REDIC1: variants seen among roughly 807,000 people sequenced by gnomAD.
REDIC1 encodes the protein regulator of DNA class I crossover intermediates 1.
the REDIC1 span, among the ~76,000 whole-genome samples, chr12:39,722,812 G>A: frequency 6.6e-6 from 1 of 152,102 alleles, no homozygotes; most frequent in Non-Finnish European, 1.5e-5. Flanking sequence ...CCCCAAAAGC[G>A]GTATTGCCTT....
the REDIC1 span, among the ~76,000 whole-genome samples, chr12:39,894,944 G>T: frequency 1.3e-5 from 2 of 152,306 alleles, no homozygotes; most frequent in Admixed American, 1.3e-4. Context: ...AGGAAAACTG[G>T]CTAGGAGAAC....
chr12:39,884,517 C>T, the REDIC1 span, among the ~76,000 whole-genome samples: 3,045 of 152,244 alleles, frequency 0.02, 37 homozygotes, highest in Non-Finnish European at 0.032. Flanking sequence ...ATAAGTACAT[C>T]ATGGCCAAAT....
the REDIC1 span, among the ~76,000 whole-genome samples, chr12:39,873,190 C>A: frequency 6.6e-6 from 1 of 152,094 alleles, no homozygotes; most frequent in South Asian, 2.1e-4. Flanking sequence ...AACTATGTAG[C>A]ATGAAGGATG....
At chr12:39,680,884 A>G in the REDIC1 span, among the ~76,000 whole-genome samples, 1 of 152,202 alleles carries the variant, frequency 6.6e-6, no homozygotes, top group Admixed American at 6.5e-5. Context: ...GGAAACTATT[A>G]TTCTAACTGA....
the REDIC1 span, among the ~76,000 whole-genome samples, chr12:39,717,922 G>A: frequency 6.6e-6 from 1 of 151,190 alleles, no homozygotes; most frequent in Non-Finnish European, 1.5e-5. Context: ...GTATATATTA[G>A]CTCTTTAATT....
chr12:39,645,392 A>G, the REDIC1 span, among the ~76,000 whole-genome samples: 1 of 152,028 alleles, frequency 6.6e-6, no homozygotes, highest in East Asian at 1.9e-4. Flanking sequence ...TTACTCCTTT[A>G]ACAGGAAGAG....
the REDIC1 span, among the ~76,000 whole-genome samples, chr12:39,668,159 T>C: frequency 6.6e-6 from 1 of 152,158 alleles, no homozygotes; most frequent in Non-Finnish European, 1.5e-5. Context: ...TTCTTCCTAG[T>C]CTCGATGGTC....
the REDIC1 span, among the ~76,000 whole-genome samples, chr12:39,714,424 C>A: frequency 1.3e-5 from 2 of 150,706 alleles, no homozygotes; most frequent in African/African-American, 4.9e-5. Flanking sequence ...TAGATATATA[C>A]ACACACATAT....
the REDIC1 span, among the ~76,000 whole-genome samples, chr12:39,649,379 C>G: frequency 6.6e-6 from 1 of 151,754 alleles, no homozygotes; most frequent in Non-Finnish European, 1.5e-5. Flanking sequence ...GTTTCCTGAT[C>G]CTTAGTTAAG....
chr12:39,670,564 A>G, the REDIC1 span, among the ~76,000 whole-genome samples: 1 of 152,096 alleles, frequency 6.6e-6, no homozygotes, highest in East Asian at 1.9e-4. Flanking sequence ...TTCTTTTGGG[A>G]TCCTTTAGTT....
At chr12:39,830,250 C>T in the REDIC1 span, 538 of 1,607,256 alleles carry the variant, frequency 3.3e-4, 2 homozygotes, top group Middle Eastern at 2.5e-3. Flanking sequence ...AAAGAGTTAC[C>T]GTCATGTTGG....
the REDIC1 span, among the ~76,000 whole-genome samples, chr12:39,893,079 C>A: frequency 6.6e-6 from 1 of 152,060 alleles, no homozygotes; most frequent in Admixed American, 6.6e-5. Flanking sequence ...TTAGTATTTG[C>A]ATATTTCCTA....
the REDIC1 span, chr12:39,626,205 C>T: frequency 1.1e-6 from 1 of 920,574 alleles, no homozygotes; most frequent in Non-Finnish European, 1.7e-6. Context: ...AGGCGGTGGA[C>T]CAGAAGGAGC....
At chr12:39,768,004 TG>T in the REDIC1 span, among the ~76,000 whole-genome samples, 2 of 152,106 alleles carry the variant, frequency 1.3e-5, no homozygotes, top group Non-Finnish European at 2.9e-5. Context: ...TATAGCAGTG[TG>T]AGACCAGACT....
the REDIC1 span, among the ~76,000 whole-genome samples, chr12:39,712,960 T>C: frequency 4.7e-5 from 1 of 21,156 alleles, no homozygotes; most frequent in African/African-American, 1.7e-4. Context: ...CATATATGCA[T>C]ATACGTGTAT....
the REDIC1 span, among the ~76,000 whole-genome samples, chr12:39,902,983 A>G: frequency 6.6e-6 from 1 of 152,120 alleles, no homozygotes; most frequent in African/African-American, 2.4e-5. Context: ...ATAAAAAGCT[A>G]ATCTCCTTTC....
chr12:39,654,821 T>C, the REDIC1 span, among the ~76,000 whole-genome samples: 3 of 152,222 alleles, frequency 2.0e-5, no homozygotes, highest in African/African-American at 4.8e-5. Context: ...GTATTATTTC[T>C]TTTCTAAGTT....
At chr12:39,775,378 G>A in the REDIC1 span, among the ~76,000 whole-genome samples, 10 of 152,354 alleles carry the variant, frequency 6.6e-5, no homozygotes, top group South Asian at 2.1e-4. Context: ...TCCAGGACAT[G>A]AGGATGTGGA....
At chr12:39,706,189 A>T in the REDIC1 span, among the ~76,000 whole-genome samples, 11 of 152,064 alleles carry the variant, frequency 7.2e-5, no homozygotes, top group South Asian at 2.1e-4. Context: ...TCTGAAAAAA[A>T]TTTTTAAAGT....
Sources: gnomAD v4.1 joint callset for allele counts (sites outside exome capture counted in the v4.1 genomes callset) on GRCh38, gnomAD v4.1.1 for gene constraint, MANE v1.5 for transcripts, NCBI Gene and HGNC (gene_info 2026-07-23, HGNC 2026-07-21) for gene names.